Variants in HTATIP2 observed in about 807,000 individuals in gnomAD.
HTATIP2 encodes the protein protein HTATIP2.
Under a neutral mutation model 24.7 loss-of-function variants are expected in HTATIP2, and 26 were observed. The ratio of observed to expected loss-of-function variants is 1.05; its 90% CI spans 0.77 to 1.46. The LOEUF (loss-of-function observed/expected upper bound fraction) is 1.46. HTATIP2 is among the 40% of genes most tolerant of loss of function. HTATIP2 has a pLI of 0.00. For missense variants in HTATIP2, 284 were observed against 289.6 expected (o/e 0.98, Z 0.14); for synonymous variants, 99 against 113.2 (o/e 0.87, Z 0.79).
chr11:20,365,696 G>T (rs2133262276), intron 1 of HTATIP2, among the ~76,000 whole-genome samples: 1 of 152,224 alleles, frequency 6.6e-6, no homozygotes, highest in East Asian at 1.9e-4. Context: ...TGAAGGCTGG[G>T]CGTGGTGGCT....
intron 2 of HTATIP2, chr11:20,367,586 G>A (rs536464047): frequency 7.2e-7 from 1 of 1,382,730 alleles, no homozygotes; most frequent in African/African-American, 1.5e-5. Flanking sequence ...TGATGTCTGA[G>A]TAAAACTAAT....
At chr11:20,378,421 A>G (rs534811006) in intron 3 of HTATIP2, among the ~76,000 whole-genome samples, 32 of 152,130 alleles carry the variant, frequency 2.1e-4, no homozygotes, top group African/African-American at 7.7e-4. Context: ...TCCAGCCTCA[A>G]CCTCCTGAGC....
intron 1 of HTATIP2, among the ~76,000 whole-genome samples, chr11:20,365,737 C>T (rs926243953): frequency 6.6e-6 from 1 of 151,782 alleles, no homozygotes; most frequent in Non-Finnish European, 1.5e-5. Flanking sequence ...TTTGGGAGTC[C>T]GAGGCAGGGG....
At chr11:20,382,141 C>G (rs201832845) in intron 3 of HTATIP2, 37 bp from the exon 4 acceptor site, 2 of 1,258,358 alleles carry the variant, frequency 1.6e-6, no homozygotes, top group Non-Finnish European at 2.3e-6. Context: ...GTGAGCTGGT[C>G]GCGATTAAAT....
intron 1 of HTATIP2, among the ~76,000 whole-genome samples, chr11:20,366,550 C>T (rs1473439889): frequency 3.3e-5 from 5 of 152,018 alleles, no homozygotes; most frequent in Non-Finnish European, 5.9e-5. Context: ...GATGGAGGTT[C>T]GTAAACTTCT....
At chr11:20,373,101 A>G (rs1191116277) in intron 2 of HTATIP2, among the ~76,000 whole-genome samples, 2 of 152,230 alleles carry the variant, frequency 1.3e-5, no homozygotes, top group Admixed American at 1.3e-4. Flanking sequence ...TAATAAAACA[A>G]TATTTAGCTT....
chr11:20,380,279 GC>G (rs1592322474), intron 3 of HTATIP2, among the ~76,000 whole-genome samples: 1 of 152,184 alleles, frequency 6.6e-6, no homozygotes, highest in African/African-American at 2.4e-5. Flanking sequence ...CAAGCCAGGG[GC>G]CAAACTTGTA....
rs183801263 is a variant in HTATIP2, at chr11:20,365,787, A to G, written c.195+1355A>G. ...AGAGTTCCAGACCAGCCTGGCCAAC[A>G]TGGTGAAACCCTGTCTCTACTAAAA... On this transcript the variant is annotated intron_variant, in intron 1 of 4. Coordinates refer to ENST00000451739, the MANE Select transcript of HTATIP2 (RefSeq NM_001098522.2). Among the ~76,000 whole-genome samples, 5 of 151,968 alleles carry G rather than the reference A, an allele frequency of 3.3e-5. No homozygotes were observed. In the East Asian group the frequency reaches 7.9e-4, roughly 24 times the overall value.
intron 3 of HTATIP2, among the ~76,000 whole-genome samples, chr11:20,379,910 T>C (rs964345584): frequency 2.0e-5 from 3 of 152,184 alleles, no homozygotes; most frequent in Non-Finnish European, 4.4e-5. Context: ...CTACAACTTA[T>C]CGCATTGAAA....
In HTATIP2 at chr11:20,383,212, T is replaced by G; in HGVS notation, c.*7T>G. The G allele has an allele frequency of 1.2e-6, 2 of 1,602,332 alleles. No individual in the cohort carries two copies. Among genetic ancestry groups the G allele is most frequent in the Non-Finnish European group, 1.7e-6 (2 of 1,170,720 alleles). On this transcript the variant is annotated 3_prime_UTR_variant, in exon 5 of 5. Transcript: ENST00000451739. ...TGGCTCTCTCAAGCCATGACCACATTGGAGAAATGGTTTTTATTGTCAACC... is the reference window on the plus strand; with the variant it reads ...TGGCTCTCTCAAGCCATGACCACATGGGAGAAATGGTTTTTATTGTCAACC...
chr11:20,380,959 G>T (rs1848511203), intron 3 of HTATIP2, among the ~76,000 whole-genome samples: 2 of 152,170 alleles, frequency 1.3e-5, no homozygotes, highest in Non-Finnish European at 2.9e-5. Flanking sequence ...TATATGAAAT[G>T]TCCAGAATAG....
chr11:20,364,575 G>T, intron 1 of HTATIP2, 143 bp downstream of exon 1: 1 of 664,780 alleles, frequency 1.5e-6, no homozygotes, highest in Non-Finnish European at 2.5e-6. Context: ...GTCTGTGAGA[G>T]TCCCTCCCAG....
At chr11:20,375,356 G>C (rs1848430070) in intron 2 of HTATIP2, among the ~76,000 whole-genome samples, 2 of 152,196 alleles carry the variant, frequency 1.3e-5, no homozygotes, top group South Asian at 4.1e-4. Flanking sequence ...CGGGTCATCT[G>C]AGGTCAGGAG....
At chr11:20,367,115 G>A (rs2064717676) in intron 1 of HTATIP2, 59 bp from the exon 2 acceptor site, 1 of 1,586,254 alleles carries the variant, frequency 6.3e-7, no homozygotes. Flanking sequence ...AATCTAGAGG[G>A]GGTTTTTGGT....
Position 20,376,562 on chromosome 11 carries a change from T to C in HTATIP2, c.304-18T>C, listed in dbSNP as rs772082641. 5 of 1,613,620 alleles carry C rather than the reference T, an allele frequency of 3.1e-6. No individual in the cohort carries two copies. Among genetic ancestry groups the C allele is most frequent in the Admixed American group, 3.3e-5 (2 of 59,846 alleles). On this transcript the variant is annotated intron_variant, in intron 2 of 4. Transcript: ENST00000451739. ...CTTGCTGCTTTTTGGAAATAACTCA[T>C]GTCCTTTTCCCCCTTAGGAGGGATT...
Position 20,363,794 on chromosome 11 carries a change from G to A in HTATIP2, c.-444G>A. The A allele has an allele frequency of 8.0e-7, 1 of 1,243,546 alleles. No individual in the cohort carries two copies. Among genetic ancestry groups the A allele is most frequent in the Non-Finnish European group, 1.0e-6 (1 of 988,892 alleles). 77.0% of individuals were successfully genotyped at this position (1,243,546 alleles called of 1,614,324 possible). On this transcript the variant is annotated 5_prime_UTR_variant, in exon 1 of 5. Transcript: ENST00000451739. ...CCTCCAACCCCCCCGGTCCGACCAG[G>A]GAAGGTGGGATGCTCTGATGGCCGG...
intron 3 of HTATIP2, among the ~76,000 whole-genome samples, chr11:20,381,708 C>T (rs1848523951): frequency 6.6e-6 from 1 of 152,054 alleles, no homozygotes; most frequent in African/African-American, 2.4e-5. Flanking sequence ...AGATTTAAAG[C>T]ATCATCTAGA....
chr11:20,380,015 C>T (rs1326096401), intron 3 of HTATIP2, among the ~76,000 whole-genome samples: 4 of 152,232 alleles, frequency 2.6e-5, no homozygotes, highest in Non-Finnish European at 4.4e-5. Context: ...CCCCATAGAG[C>T]TTGCACAGGA....
At chr11:20,369,437 T>C (rs1387343424) in intron 2 of HTATIP2, among the ~76,000 whole-genome samples, 1 of 152,220 alleles carries the variant, frequency 6.6e-6, no homozygotes, top group Non-Finnish European at 1.5e-5. Context: ...AGGTGGCTTA[T>C]TTCCATGTGA....
Sources: allele counts gnomAD v4.1 joint callset (sites outside exome capture counted in the v4.1 genomes callset), GRCh38; gene constraint gnomAD v4.1.1; transcripts MANE v1.5; gene names NCBI Gene and HGNC (gene_info 2026-07-23, HGNC 2026-07-21).